LIMCH1: variants seen among roughly 807,000 people sequenced by gnomAD.
LIMCH1 encodes the protein LIM and calponin homology domains 1.
In LIMCH1, 113 loss-of-function variants were observed where a neutral mutation model predicts 176.5. That is an observed-to-expected ratio of 0.64 (90% CI 0.55 to 0.75). The LOEUF (loss-of-function observed/expected upper bound fraction) is 0.75, where lower values mean the gene tolerates loss of function less well. Ranked by LOEUF, LIMCH1 falls within the 30% of genes least tolerant of loss-of-function variation. The probability of loss-of-function intolerance (pLI) is 0.00; values close to 1 mark genes in which losing one functional copy is unlikely to be tolerated. For synonymous variants in LIMCH1, 619 were observed against 645.9 expected (o/e 0.96, Z 0.63); for missense variants, 1,674 against 1,814.9 (o/e 0.92, Z 1.41).
chr4:41,555,163 C>G (rs1322439571), intron 1 of LIMCH1, among the ~76,000 whole-genome samples: 1 of 152,184 alleles, frequency 6.6e-6, no homozygotes, highest in Non-Finnish European at 1.5e-5. Context: ...TTGCAAAAAG[C>G]AGGTTTCTGT....
chr4:41,383,166 A>G (rs548366655), intron 1 of LIMCH1, among the ~76,000 whole-genome samples: 5 of 152,132 alleles, frequency 3.3e-5, no homozygotes, highest in Admixed American at 6.5e-5. Context: ...TCTCTTCCAT[A>G]TTATTAGCTG....
intron 1 of LIMCH1, among the ~76,000 whole-genome samples, chr4:41,418,584 T>C (rs1370445945): frequency 6.9e-6 from 1 of 144,936 alleles, no homozygotes; most frequent in Non-Finnish European, 1.5e-5. Flanking sequence ...CAAGCCTCCG[T>C]GCCCGGCACC....
At chr4:41,594,285 A>G (rs1305921035) in intron 1 of LIMCH1, among the ~76,000 whole-genome samples, 1 of 152,188 alleles carries the variant, frequency 6.6e-6, no homozygotes, top group Non-Finnish European at 1.5e-5. Flanking sequence ...ACTTTTTTGA[A>G]GAGTCCTTTA....
chr4:41,611,007 A>G (rs1283761244), intron 4 of LIMCH1, among the ~76,000 whole-genome samples: 1 of 152,174 alleles, frequency 6.6e-6, no homozygotes, highest in African/African-American at 2.4e-5. Flanking sequence ...TGGATTTTGG[A>G]TTTTCAGTTT....
intron 10 of LIMCH1, among the ~76,000 whole-genome samples, chr4:41,632,464 A>G (rs2093375739): frequency 6.6e-6 from 1 of 152,118 alleles, no homozygotes; most frequent in Admixed American, 6.6e-5. Flanking sequence ...AGGAGGGGGT[A>G]GGAAATTAAT....
At chr4:41,685,321 T>C (rs1314148405) in intron 27 of LIMCH1, among the ~76,000 whole-genome samples, 1 of 152,230 alleles carries the variant, frequency 6.6e-6, no homozygotes, top group African/African-American at 2.4e-5. Context: ...TCAGGTGCCC[T>C]ATGGATTTAA....
rs142955477 is a variant in LIMCH1 at position 41,514,344 on chromosome 4, A to G, written c.168-10065A>G. 3.7e-3 allele frequency among the ~76,000 whole-genome samples: 561 copies of G among 152,212 alleles called. 3 individuals are homozygous for G. The highest frequency in any genetic ancestry group is 0.027 in the Middle Eastern group (8 of 294). ...GGTGGAAGGTACAGTCTCTACTTAAATGGTTCGGTGAGGAGGTAACATTTA... is the reference window on the plus strand; with the variant it reads ...GGTGGAAGGTACAGTCTCTACTTAAGTGGTTCGGTGAGGAGGTAACATTTA... On this transcript the variant is annotated intron_variant, in intron 2 of 26. Coordinates refer to the LIMCH1 transcript ENST00000313860.
At position 41,637,395 on chromosome 4, in the gene LIMCH1, G is replaced by T. The variant is rs373772300; in HGVS notation, c.2091-1537G>T. Reference sequence around the variant, plus strand: ...GGTAGAGACAAGGCTTTGCCATGTTGCCCAGGCTGGTCTCGAACTCCTGAG... The same window carrying T: ...GGTAGAGACAAGGCTTTGCCATGTTTCCCAGGCTGGTCTCGAACTCCTGAG... On this transcript the variant is annotated intron_variant, in intron 13 of 31. Transcript: ENST00000503057. Among the ~76,000 whole-genome samples the T allele has an allele frequency of 3.3e-3, 496 of 152,218 alleles. 3 individuals carry two copies. Among genetic ancestry groups the T allele is most frequent in the Middle Eastern group, 0.014 (4 of 294 alleles).
At chr4:41,445,289 C>T (rs879429128) in intron 1 of LIMCH1, among the ~76,000 whole-genome samples, 3 of 152,208 alleles carry the variant, frequency 2.0e-5, no homozygotes, top group Non-Finnish European at 4.4e-5. Context: ...CAGGCGTGAG[C>T]CACAGTGCAC....
intron 13 of LIMCH1, among the ~76,000 whole-genome samples, chr4:41,635,848 A>C (rs2093560716): frequency 6.6e-6 from 1 of 152,248 alleles, no homozygotes; most frequent in African/African-American, 2.4e-5. Context: ...TGAAAGTTAC[A>C]TAAATACAGG....
intron 14 of LIMCH1, 24 bp from the exon 15 acceptor site, chr4:41,644,476 T>C (rs1397868884): frequency 2.7e-6 from 4 of 1,499,382 alleles, no homozygotes; most frequent in Non-Finnish European, 2.7e-6. Context: ...CGGTCCCTCT[T>C]GTGTTCGCTC....
chr4:41,658,599 T>C (rs1352117551), intron 18 of LIMCH1, among the ~76,000 whole-genome samples: 4 of 152,230 alleles, frequency 2.6e-5, no homozygotes, highest in Non-Finnish European at 5.9e-5. Flanking sequence ...TCTTATTTCA[T>C]TGATTCTAAG....
chr4:41,375,621 C>T (rs74694693), intron 1 of LIMCH1, among the ~76,000 whole-genome samples: 2 of 152,136 alleles, frequency 1.3e-5, no homozygotes, highest in South Asian at 2.1e-4. Flanking sequence ...AATAGCAAAA[C>T]CATGCAGTTG....
rs532108494 is a variant in LIMCH1 at position 41,695,389 on chromosome 4, A to C, written c.4379-1771A>C. On this transcript the variant is annotated intron_variant, in intron 31 of 31. Transcript: ENST00000503057. Reference sequence around the variant, plus strand: ...GCAGGATTGTATTTGGGGGTAAAAAATGAGGTAGCTATCTGGCCTGATTTT... The same window carrying C: ...GCAGGATTGTATTTGGGGGTAAAAACTGAGGTAGCTATCTGGCCTGATTTT... Among the ~76,000 whole-genome samples the C allele has an allele frequency of 3.3e-4, 50 of 151,796 alleles. No homozygotes were observed. The South Asian group carries it at 6.5e-3, about 20-fold the overall frequency.
chr4:41,422,277 T>C (rs993640982), intron 1 of LIMCH1, among the ~76,000 whole-genome samples: 5 of 151,910 alleles, frequency 3.3e-5, no homozygotes, highest in Non-Finnish European at 7.4e-5. Flanking sequence ...AACCTCCACC[T>C]CCCAGGTTCA....
At chr4:41,449,393 A>G (rs2154145810) in intron 1 of LIMCH1, among the ~76,000 whole-genome samples, 1 of 152,316 alleles carries the variant, frequency 6.6e-6, no homozygotes, top group African/African-American at 2.4e-5. Flanking sequence ...GCCCAGCTAG[A>G]TGGGCCTACC....
intron 21 of LIMCH1, among the ~76,000 whole-genome samples, chr4:41,669,139 T>C (rs2094929871): frequency 6.6e-6 from 1 of 152,208 alleles, no homozygotes; most frequent in South Asian, 2.1e-4. Flanking sequence ...TTCATGTGTC[T>C]AGTTCTTAGC....
chr4:41,646,221 A>AGATGGGACAAGTGAAC lies in LIMCH1; in HGVS notation c.2355_2370dup (p.Arg791TrpfsTer4). The AGATGGGACAAGTGAAC allele has an allele frequency of 6.2e-7, 1 of 1,614,070 alleles. No individual in the cohort carries two copies. The highest frequency in any genetic ancestry group is 8.5e-7 in the Non-Finnish European group (1 of 1,180,016). Reference sequence around the variant, plus strand: ...AAATGGAGAAGTTACTGGCTGGAGAAGATGGGACAAGTGAACGAAGGAAAA... The same window carrying AGATGGGACAAGTGAAC: ...AAATGGAGAAGTTACTGGCTGGAGAAGATGGGACAAGTGAACGATGGGACAAGTGAACGAAGGAAAA... On this transcript the variant is annotated frameshift_variant, in exon 16 of 32. Transcript: ENST00000503057. LOFTEE classifies it high-confidence loss of function.
intron 1 of LIMCH1, among the ~76,000 whole-genome samples, chr4:41,390,273 A>AGC (rs58594294): frequency 1.3e-5 from 2 of 150,492 alleles, no homozygotes; most frequent in Non-Finnish European, 1.5e-5. Context: ...AGAGAGAGAG[A>AGC]GCGAGAGCGC....
Sources: gnomAD v4.1 joint callset for allele counts (sites outside exome capture counted in the v4.1 genomes callset) on GRCh38, gnomAD v4.1.1 for gene constraint, MANE v1.5 for transcripts, NCBI Gene and HGNC (gene_info 2026-07-23, HGNC 2026-07-21) for gene names.